The following NTM variants were observed in gnomAD, a reference collection of about 807,000 sequenced individuals.
NTM encodes neurotrimin, also known as IgLON family member 2.
In NTM, 13 loss-of-function variants were observed where a neutral mutation model predicts 42.1. That is an observed-to-expected ratio of 0.31 (90% CI 0.20 to 0.49). The LOEUF (loss-of-function observed/expected upper bound fraction) is 0.49. Among genes scored for constraint, NTM ranks in the 20% least tolerant of loss-of-function variants. The pLI is 0.99. For synonymous variants in NTM, 187 were observed against 179.2 expected (o/e 1.04, Z -0.35); for missense variants, 373 against 452.8 (o/e 0.82, Z 1.60).
intron 2 of NTM, among the ~76,000 whole-genome samples, chr11:132,044,749 A>G (rs2077741772): frequency 6.6e-6 from 1 of 152,176 alleles, no homozygotes; most frequent in African/African-American, 2.4e-5. Flanking sequence ...AAGAGACCAC[A>G]GCGGGATGAA....
At chr11:131,687,201 G>A (rs913855575) in intron 1 of NTM, among the ~76,000 whole-genome samples, 5 of 152,342 alleles carry the variant, frequency 3.3e-5, no homozygotes, top group African/African-American at 9.6e-5. Flanking sequence ...CATGTTCCAG[G>A]GGAGAAGGAA....
intron 1 of NTM, among the ~76,000 whole-genome samples, chr11:131,464,379 G>C (rs1429466860): frequency 6.6e-6 from 1 of 151,952 alleles, no homozygotes; most frequent in African/African-American, 2.4e-5. Context: ...GCAGCAACAA[G>C]GGAAAGGGGG....
At chr11:131,512,820 C>T (rs1050047722) in intron 1 of NTM, among the ~76,000 whole-genome samples, 4 of 152,224 alleles carry the variant, frequency 2.6e-5, no homozygotes, top group African/African-American at 9.6e-5. Flanking sequence ...CCCCCAGACA[C>T]CTGTGTGGTT....
intron 1 of NTM, among the ~76,000 whole-genome samples, chr11:131,619,286 T>C (rs1480896861): frequency 6.6e-6 from 1 of 152,166 alleles, no homozygotes; most frequent in African/African-American, 2.4e-5. Context: ...CCTTGCACCA[T>C]AAAATAATAG....
At position 131,924,090 on chromosome 11, in the gene NTM, G is replaced by A. The variant is rs2057608069; in HGVS notation, c.167+12442G>A. On this transcript the variant is annotated intron_variant, in intron 2 of 8. Transcript: ENST00000683400. The stretch of plus-strand genomic sequence containing the variant: ...GCCCGTGGTGGGCAGAGGGCAGGGT[G>A]TACCTCTCGTGACCCTGGAGCTATG... Among the ~76,000 whole-genome samples, 3 of 152,246 alleles carry A rather than the reference G, an allele frequency of 2.0e-5. No individual in the cohort carries two copies. In the South Asian group the frequency reaches 6.2e-4, roughly 32 times the overall value.
At chr11:131,739,787 G>C (rs2080947574) in intron 1 of NTM, among the ~76,000 whole-genome samples, 1 of 152,202 alleles carries the variant, frequency 6.6e-6, no homozygotes, top group Non-Finnish European at 1.5e-5. Flanking sequence ...AACGGCAGTT[G>C]CCAAAGGCAG....
At chr11:132,178,765 T>G (rs1283686781) in intron 3 of NTM, among the ~76,000 whole-genome samples, 1 of 152,084 alleles carries the variant, frequency 6.6e-6, no homozygotes, top group Non-Finnish European at 1.5e-5. Flanking sequence ...AAAAATGAAG[T>G]GAAAAAGAAT....
chr11:131,867,316 G>A (rs2047319962), intron 1 of NTM, among the ~76,000 whole-genome samples: 1 of 152,166 alleles, frequency 6.6e-6, no homozygotes, highest in African/African-American at 2.4e-5. Context: ...CAGCAAGGAG[G>A]AAAACGCTGT....
intron 1 of NTM, among the ~76,000 whole-genome samples, chr11:131,822,448 T>A (rs963167287): frequency 6.6e-6 from 1 of 152,088 alleles, no homozygotes; most frequent in Non-Finnish European, 1.5e-5. Flanking sequence ...TGAATTATGG[T>A]TTTTTTAAAA....
intron 1 of NTM, among the ~76,000 whole-genome samples, chr11:131,612,223 C>T (rs1450516287): frequency 2.0e-5 from 3 of 152,226 alleles, no homozygotes; most frequent in African/African-American, 7.2e-5. Context: ...TGCCTGCAAC[C>T]CCAGTCTACC....
At chr11:132,296,896 C>T (rs1164957268) in intron 4 of NTM, among the ~76,000 whole-genome samples, 1 of 152,180 alleles carries the variant, frequency 6.6e-6, no homozygotes, top group Admixed American at 6.5e-5. Context: ...ATGATTTGGC[C>T]TACCTGCTGG....
intron 1 of NTM, among the ~76,000 whole-genome samples, chr11:131,754,878 G>A (rs2083116301): frequency 6.6e-6 from 1 of 152,156 alleles, no homozygotes; most frequent in African/African-American, 2.4e-5. Flanking sequence ...ATTGATACAA[G>A]CAACAATGTA....
intron 2 of NTM, among the ~76,000 whole-genome samples, chr11:132,113,552 C>T (rs984839857): frequency 9.8e-5 from 15 of 152,296 alleles, no homozygotes; most frequent in South Asian, 8.3e-4. Flanking sequence ...TCGCCGCACC[C>T]GCTTCATCAA....
chr11:131,744,859 T>G (rs1289537221), intron 1 of NTM, among the ~76,000 whole-genome samples: 1 of 152,164 alleles, frequency 6.6e-6, no homozygotes, highest in Non-Finnish European at 1.5e-5. Flanking sequence ...CACACCGGTG[T>G]GTCAGTGCAG....
At chr11:131,816,234 C>T (rs1481357006) in intron 1 of NTM, among the ~76,000 whole-genome samples, 1 of 152,146 alleles carries the variant, frequency 6.6e-6, no homozygotes, top group Non-Finnish European at 1.5e-5. Context: ...AGTCACTCAT[C>T]ATGAAAGCAT....
intron 6 of NTM, among the ~76,000 whole-genome samples, chr11:132,311,567 C>A (rs909422095): frequency 6.6e-6 from 1 of 152,116 alleles, no homozygotes; most frequent in African/African-American, 2.4e-5. Flanking sequence ...AATTCTGTTT[C>A]ACTTATGCGT....
chr11:132,022,217 A>G (rs2074451428), intron 2 of NTM, among the ~76,000 whole-genome samples: 1 of 152,342 alleles, frequency 6.6e-6, no homozygotes, highest in Admixed American at 6.5e-5. Flanking sequence ...GAAGTTCAGA[A>G]GTTTCACAAG....
At chr11:132,100,993 T>G (rs1172912909) in intron 2 of NTM, among the ~76,000 whole-genome samples, 1 of 152,212 alleles carries the variant, frequency 6.6e-6, no homozygotes, top group Non-Finnish European at 1.5e-5. Flanking sequence ...AATGCTCATT[T>G]GTATCTGAGT....
chr11:132,299,033 C>T (rs532871380), intron 4 of NTM, among the ~76,000 whole-genome samples: 4 of 152,306 alleles, frequency 2.6e-5, no homozygotes, highest in Admixed American at 6.5e-5. Flanking sequence ...CGGTGGCTCA[C>T]GCCTGTAATC....
Sources: gnomAD v4.1 joint callset for allele counts (sites outside exome capture counted in the v4.1 genomes callset) on GRCh38, gnomAD v4.1.1 for gene constraint, MANE v1.5 for transcripts, NCBI Gene and HGNC (gene_info 2026-07-23, HGNC 2026-07-21) for gene names.